The following CCDC144A variants were observed in gnomAD, a reference collection of about 807,000 sequenced individuals.
CCDC144A encodes coiled-coil domain containing 144A, also known as coiled-coil domain-containing protein 144A.
In CCDC144A, 41 loss-of-function variants were observed where a neutral mutation model predicts 143.8. That is an observed-to-expected ratio of 0.29 (90% CI 0.22 to 0.37). The LOEUF (loss-of-function observed/expected upper bound fraction) is 0.37. CCDC144A is among the 10% of genes least tolerant of loss of function. The pLI, the probability that CCDC144A is intolerant of heterozygous loss-of-function variation, is 1.00. For missense variants in CCDC144A, 637 were observed against 1,488.8 expected (o/e 0.43, Z 9.41); for synonymous variants, 242 against 517.9 (o/e 0.47, Z 7.23).
chr17:16,698,835 A>G (rs1911562975), intron 2 of CCDC144A, among the ~76,000 whole-genome samples: 1 of 152,268 alleles, frequency 6.6e-6, no homozygotes, highest in African/African-American at 2.4e-5. Context: ...ACAAACTGAC[A>G]TTTTAAAAAT....
chr17:16,699,463 C>G (rs1443622011), intron 2 of CCDC144A, among the ~76,000 whole-genome samples: 3 of 124,190 alleles, frequency 2.4e-5, no homozygotes, highest in African/African-American at 9.6e-5. Flanking sequence ...GCAAGCTCCG[C>G]CTCCCGGGTT....
intron 12 of CCDC144A, among the ~76,000 whole-genome samples, chr17:16,755,417 C>A (rs1915030135): frequency 1.3e-5 from 2 of 152,094 alleles, no homozygotes; most frequent in African/African-American, 4.8e-5. Flanking sequence ...GTGAGTCTTA[C>A]AGTTTTTTGA....
chr17:16,729,114 G>A (rs1358455581), intron 9 of CCDC144A, among the ~76,000 whole-genome samples: 4 of 152,188 alleles, frequency 2.6e-5, no homozygotes, highest in Non-Finnish European at 5.9e-5. Flanking sequence ...CCCAGTAGGG[G>A]ATTGTTGGAT....
chr17:16,681,794 G>A, the CCDC144A span, among the ~76,000 whole-genome samples: 2 of 151,912 alleles, frequency 1.3e-5, no homozygotes, highest in Non-Finnish European at 2.9e-5. Context: ...GGGATGTGGA[G>A]GTTGCGGTGA....
chr17:16,774,334 C>T lies in CCDC144A; in HGVS notation c.*701C>T, dbSNP rs1367070525. The T allele has an allele frequency of 3.4e-5, 5 of 146,606 alleles. No homozygotes were observed. Among genetic ancestry groups the T allele is most frequent in the African/African-American group, 5.3e-5 (2 of 37,502 alleles). The allele number at this position is 146,606 out of a possible 1,614,324, so 9.1% of individuals were successfully genotyped here. A position where few individuals can be genotyped will look rare whatever the true frequency, so the allele number is the denominator to read the frequency against. On this transcript the variant is annotated 3_prime_UTR_variant, in exon 17 of 17. Coordinates refer to ENST00000399273, the MANE Select transcript of CCDC144A (RefSeq NM_001382000.1). The stretch of plus-strand genomic sequence containing the variant: ...ACATTTTATATAACTACTTCATAAT[C>T]GGAAAGTTAACATCAATACACTTGA...
intron 5 of CCDC144A, among the ~76,000 whole-genome samples, chr17:16,710,526 T>C (rs759402715): frequency 6.6e-6 from 1 of 152,174 alleles, no homozygotes; most frequent in Non-Finnish European, 1.5e-5. Flanking sequence ...TAAATATTTT[T>C]CAACAACAAG....
At chr17:16,736,835 A>G (rs56037583) in intron 12 of CCDC144A, among the ~76,000 whole-genome samples, 1 of 151,700 alleles carries the variant, frequency 6.6e-6, no homozygotes, top group African/African-American at 2.4e-5. Flanking sequence ...TTGAATATGC[A>G]AGGAACTCTG....
At chr17:16,677,268 G>A in the CCDC144A span, among the ~76,000 whole-genome samples, 8 of 151,958 alleles carry the variant, frequency 5.3e-5, no homozygotes, top group African/African-American at 1.2e-4. Flanking sequence ...CTAAAGTTCC[G>A]TCTGTTCCAT....
chr17:16,725,033 T>TTG (rs1555532849), intron 8 of CCDC144A, among the ~76,000 whole-genome samples: 2,671 of 94,084 alleles, frequency 0.028, 218 homozygotes, highest in African/African-American at 0.043. Context: ...TTTTTTTTTT[T>TTG]TGTGTGAAAT....
At chr17:16,765,867 C>T (rs1204460803) in intron 15 of CCDC144A, 5 of 152,222 alleles carry the variant, frequency 3.3e-5, no homozygotes, top group African/African-American at 2.4e-5. Flanking sequence ...ATGTTAAATA[C>T]GTCTGTAAAT....
intron 9 of CCDC144A, among the ~76,000 whole-genome samples, chr17:16,728,572 T>G (rs1296873518): frequency 6.6e-6 from 1 of 152,244 alleles, no homozygotes; most frequent in Non-Finnish European, 1.5e-5. Context: ...TACAGTTTTA[T>G]TCTTTTTGAA....
intron 12 of CCDC144A, among the ~76,000 whole-genome samples, chr17:16,752,535 C>G (rs1169657302): frequency 6.9e-6 from 1 of 145,394 alleles, no homozygotes. Flanking sequence ...TGCTTGAATC[C>G]GGGGGGTATT....
At chr17:16,758,682 C>A (rs1915215690) in intron 12 of CCDC144A, among the ~76,000 whole-genome samples, 1 of 152,234 alleles carries the variant, frequency 6.6e-6, no homozygotes, top group African/African-American at 2.4e-5. Context: ...TTGTTGTATC[C>A]TTTTCATAAG....
chr17:16,748,640 TG>T (rs1914647870), intron 12 of CCDC144A, among the ~76,000 whole-genome samples: 1 of 152,206 alleles, frequency 6.6e-6, no homozygotes, highest in Non-Finnish European at 1.5e-5. Context: ...CTCAATATTT[TG>T]GAATAGTTTC....
At chr17:16,686,730 C>T (rs1421373429), upstream of CCDC144A, among the ~76,000 whole-genome samples, 2 of 145,422 alleles carry the variant, frequency 1.4e-5, no homozygotes, top group East Asian at 2.1e-4. Context: ...GCAACCTCTG[C>T]CTCTGTCACA....
At chr17:16,691,716 G>A (rs1164692073) in intron 1 of CCDC144A, 1 of 152,448 alleles carries the variant, frequency 6.6e-6, no homozygotes, top group Non-Finnish European at 1.5e-5. Flanking sequence ...AGTGAGCCGA[G>A]ATCGCGCCAC....
At chr17:16,699,488 G>A (rs1376441409) in intron 2 of CCDC144A, among the ~76,000 whole-genome samples, 2 of 78,160 alleles carry the variant, frequency 2.6e-5, no homozygotes, top group African/African-American at 5.4e-5. Flanking sequence ...CCATTCTCCT[G>A]CCTCAGCCTC....
intron 6 of CCDC144A, among the ~76,000 whole-genome samples, chr17:16,719,044 C>A (rs964730664): frequency 2.0e-5 from 3 of 150,150 alleles, no homozygotes; most frequent in African/African-American, 7.5e-5. Flanking sequence ...CTTGGGAAAG[C>A]TGGTCTTGAA....
chr17:16,776,260 T>A lies in CCDC144A; in HGVS notation c.*2627T>A. 6.6e-6 allele frequency: 1 copy of A among 152,276 alleles called. No homozygotes were observed. The highest frequency in any genetic ancestry group is 1.9e-4 in the East Asian group (1 of 5,202). 9.4% of individuals were successfully genotyped at this position (152,276 alleles called of 1,614,324 possible). On this transcript the variant is annotated 3_prime_UTR_variant, in exon 17 of 17. Coordinates refer to ENST00000399273, the MANE Select transcript of CCDC144A (RefSeq NM_001382000.1). ...GTAAAGAATGTGAATAGTAGTTTAA[T>A]GGGCCTAGCATTTAATTTACAGATT...
Sources: allele counts gnomAD v4.1 joint callset (sites outside exome capture counted in the v4.1 genomes callset), GRCh38; gene constraint gnomAD v4.1.1; transcripts MANE v1.5; gene names NCBI Gene and HGNC (gene_info 2026-07-23, HGNC 2026-07-21).